The following CDH13 variants were observed in gnomAD, a reference collection of about 807,000 sequenced individuals.
CDH13 encodes the protein cadherin 13, also known as cadherin-13.
Under a neutral mutation model 63.8 loss-of-function variants are expected in CDH13, and 24 were observed. That is an observed-to-expected ratio of 0.38 (90% CI 0.27 to 0.53). The LOEUF is 0.53. CDH13 is among the 20% of genes least tolerant of loss of function. CDH13 has a pLI of 0.85. For missense variants in CDH13, 1,049 were observed against 903.1 expected, an observed-to-expected ratio of 1.16 and a Z score of -2.07; for synonymous variants, 503 against 355.3, an observed-to-expected ratio of 1.42 and a Z score of -4.67.
chr16:82,857,106 G>A (rs2039734693), intron 1 of CDH13, among the ~76,000 whole-genome samples: 2 of 152,188 alleles, frequency 1.3e-5, no homozygotes, highest in Admixed American at 1.3e-4. Flanking sequence ...GAGGGGAATG[G>A]GTAGGACTCT....
At chr16:83,385,740 G>A (rs1345470861) in intron 6 of CDH13, among the ~76,000 whole-genome samples, 3 of 152,114 alleles carry the variant, frequency 2.0e-5, no homozygotes, top group African/African-American at 7.2e-5. Context: ...GGAGAGGCTG[G>A]AGAATATATG....
intron 8 of CDH13, among the ~76,000 whole-genome samples, chr16:83,622,015 A>T (rs769973117): frequency 8.5e-5 from 13 of 152,214 alleles, no homozygotes; most frequent in Non-Finnish European, 1.3e-4. Flanking sequence ...ATGGGAAAAT[A>T]TACTAATCAT....
chr16:82,859,678 C>G (rs985937971), intron 2 of CDH13: 1 of 151,718 alleles, frequency 6.6e-6, no homozygotes, highest in Non-Finnish European at 1.5e-5. Context: ...ACGTTCCACG[C>G]TAGCTAAGTT....
At chr16:83,750,223 G>A (rs149740259) in intron 11 of CDH13, among the ~76,000 whole-genome samples, 9,536 of 152,078 alleles carry the variant, frequency 0.063, 606 homozygotes, top group Admixed American at 0.15. Context: ...TTGAACCTAG[G>A]AGGCAGAGGT....
chr16:83,238,286 T>C (rs1904280993), intron 5 of CDH13, among the ~76,000 whole-genome samples: 1 of 151,656 alleles, frequency 6.6e-6, no homozygotes, highest in African/African-American at 2.4e-5. Context: ...CTCCCAATCA[T>C]GGTGGAAGGA....
chr16:83,046,034 C>A (rs76538102), intron 3 of CDH13, among the ~76,000 whole-genome samples: 2 of 152,222 alleles, frequency 1.3e-5, no homozygotes, highest in Non-Finnish European at 2.9e-5. Context: ...TTGGGCCAGA[C>A]TGTTGGTGCT....
chr16:83,125,102 A>G (rs938565853), intron 3 of CDH13, among the ~76,000 whole-genome samples: 1 of 152,250 alleles, frequency 6.6e-6, no homozygotes, highest in Non-Finnish European at 1.5e-5. Context: ...AAGAACAGCA[A>G]TATGCAAGCA....
intron 1 of CDH13, among the ~76,000 whole-genome samples, chr16:82,791,505 T>C (rs1279487281): frequency 6.6e-6 from 1 of 152,180 alleles, no homozygotes; most frequent in Non-Finnish European, 1.5e-5. Flanking sequence ...CCTCCCATTG[T>C]ATGGGAGCTC....
chr16:83,020,485 C>A (rs921170181), intron 2 of CDH13, among the ~76,000 whole-genome samples: 2 of 152,224 alleles, frequency 1.3e-5, no homozygotes, highest in African/African-American at 2.4e-5. Flanking sequence ...AGTGTTCTCT[C>A]TACCAGAACA....
intron 4 of CDH13, among the ~76,000 whole-genome samples, chr16:83,196,707 T>C (rs1255640722): frequency 6.6e-6 from 1 of 152,146 alleles, no homozygotes; most frequent in East Asian, 1.9e-4. Context: ...TCATTAGCCA[T>C]GAGGGAAATG....
rs1291099839 is a variant in CDH13 at position 82,842,151 on chromosome 16, TATATATATATATAC to T, written c.46-16209_46-16196del. ...ATATATATATATACACATATATATA[TATATATATATATAC>T]ACACACACACATATATATACACATA... On this transcript the variant is annotated intron_variant, in intron 1 of 13. Coordinates refer to ENST00000567109, the MANE Select transcript of CDH13 (RefSeq NM_001257.5). 2.0e-3 allele frequency among the ~76,000 whole-genome samples: 78 copies of T among 38,544 alleles called. 4 individuals carry two copies. Among genetic ancestry groups the T allele is most frequent in the Admixed American group, 4.4e-3 (13 of 2,932 alleles). The allele number at this position is 38,544 out of a possible 152,430, so 25.3% of individuals were successfully genotyped here. A position where few individuals can be genotyped will look rare whatever the true frequency, so the allele number is the denominator to read the frequency against.
At chr16:83,599,662 A>G (rs960928776) in intron 7 of CDH13, among the ~76,000 whole-genome samples, 3 of 152,246 alleles carry the variant, frequency 2.0e-5, no homozygotes, top group Non-Finnish European at 4.4e-5. Context: ...AAATATACAT[A>G]TGATTATATT....
At chr16:82,682,250 TC>T (rs879513352) in intron 1 of CDH13, among the ~76,000 whole-genome samples, 25 of 152,176 alleles carry the variant, frequency 1.6e-4, no homozygotes, top group Non-Finnish European at 3.2e-4. Context: ...AAGTGCAGAT[TC>T]CCAGGCCCCA....
intron 11 of CDH13, among the ~76,000 whole-genome samples, chr16:83,768,059 T>C (rs932356845): frequency 2.6e-5 from 4 of 152,228 alleles, no homozygotes; most frequent in African/African-American, 9.6e-5. Context: ...TCATGGTTAT[T>C]GTAAAGAAAA....
At chr16:83,101,669 A>C (rs12924283) in intron 3 of CDH13, among the ~76,000 whole-genome samples, 47,975 of 152,012 alleles carry the variant, frequency 0.32, 8,466 homozygotes, top group Middle Eastern at 0.57. Flanking sequence ...TTTTGCATGC[A>C]TGTCATCCCA....
chr16:83,148,078 C>G (rs941824290), intron 4 of CDH13, among the ~76,000 whole-genome samples: 1 of 152,190 alleles, frequency 6.6e-6, no homozygotes, highest in African/African-American at 2.4e-5. Context: ...GCTGGGATTA[C>G]AGGCGTGCGC....
At chr16:83,371,593 G>A (rs997936891) in intron 6 of CDH13, among the ~76,000 whole-genome samples, 4 of 152,078 alleles carry the variant, frequency 2.6e-5, no homozygotes, top group South Asian at 2.1e-4. Flanking sequence ...TACCTGGTAC[G>A]TTTCCATAAT....
chr16:82,700,810 A>T (rs773689333), intron 1 of CDH13, among the ~76,000 whole-genome samples: 1 of 152,256 alleles, frequency 6.6e-6, no homozygotes, highest in African/African-American at 2.4e-5. Flanking sequence ...TTCCCAATAC[A>T]TCAAGTTGTG....
chr16:83,300,379 G>T (rs1251511460), intron 5 of CDH13, among the ~76,000 whole-genome samples: 2 of 152,196 alleles, frequency 1.3e-5, no homozygotes, highest in Non-Finnish European at 2.9e-5. Context: ...ATAGAGCTTT[G>T]CAGCTTACAA....
Sources: allele counts gnomAD v4.1 joint callset (sites outside exome capture counted in the v4.1 genomes callset), GRCh38; gene constraint gnomAD v4.1.1; transcripts MANE v1.5; gene names NCBI Gene and HGNC (gene_info 2026-07-23, HGNC 2026-07-21).